The following HIRA variants were observed in gnomAD, a reference collection of about 807,000 sequenced individuals.
The protein encoded by HIRA is histone cell cycle regulator, also known as protein HIRA.
A neutral mutation model predicts 126.6 loss-of-function variants in HIRA; 13 were observed. That is an observed-to-expected ratio of 0.10 (90% CI 0.07 to 0.16). The LOEUF is 0.16. Among genes scored for constraint, HIRA ranks in the 10% least tolerant of loss-of-function variants. The pLI, the probability that HIRA is intolerant of heterozygous loss-of-function variation, is 1.00. For missense variants in HIRA, 834 were observed against 1,314.4 expected, an observed-to-expected ratio of 0.63 and a Z score of 5.65; for synonymous variants, 511 against 520.0, an observed-to-expected ratio of 0.98 and a Z score of 0.24.
chr22:19,410,262 C>A (rs2089341824), intron 2 of HIRA, among the ~76,000 whole-genome samples: 1 of 152,220 alleles, frequency 6.6e-6, no homozygotes, highest in Non-Finnish European at 1.5e-5. Context: ...CCACAGTGTG[C>A]TTTCTCTTTA....
At position 19,399,099 on chromosome 22, in the gene HIRA, C is replaced by T. The variant is rs747333383; in HGVS notation, c.398-1012G>A. The stretch of plus-strand genomic sequence containing the variant: ...ACACACCAAGGCATCGATGAGGGTC[C>T]GCTGTGACGATGGTGCCAACCTTGC... On this transcript the variant is annotated intron_variant, in intron 5 of 24. Coordinates refer to ENST00000263208, the MANE Select transcript of HIRA (RefSeq NM_003325.4). The T allele has an allele frequency of 4.0e-5, 39 of 984,342 alleles. No homozygotes were observed. The Admixed American group carries it at 1.1e-3, about 28-fold the overall frequency. 61.0% of individuals were successfully genotyped at this position (984,342 alleles called of 1,614,324 possible).
At chr22:19,390,290 A>G (rs1025838343) in intron 9 of HIRA, among the ~76,000 whole-genome samples, 2 of 152,088 alleles carry the variant, frequency 1.3e-5, no homozygotes, top group African/African-American at 2.4e-5. Context: ...TGAGGGGAAC[A>G]ATGAAACTGA....
intron 10 of HIRA, 45 bp from the exon 11 acceptor site, chr22:19,387,861 CA>C: frequency 7.2e-7 from 1 of 1,396,824 alleles, no homozygotes. Context: ...GAGCCCCAGG[CA>C]GACACATGTG....
intron 24 of HIRA, among the ~76,000 whole-genome samples, chr22:19,347,199 C>T (rs991408508): frequency 6.6e-6 from 1 of 152,112 alleles, no homozygotes; most frequent in African/African-American, 2.4e-5. Flanking sequence ...CTGTGCTAAG[C>T]GAACAGCTGT....
At position 19,351,591 on chromosome 22, in the gene HIRA, G is replaced by C. The variant is rs2088757935; in HGVS notation, c.2849-145C>G. On this transcript the variant is annotated intron_variant, in intron 23 of 24. Coordinates refer to ENST00000263208, the MANE Select transcript of HIRA (RefSeq NM_003325.4). The surrounding 1 kb of genome is among the most constrained non-coding windows in gnomAD (Gnocchi z 4.8). ...ATGCGTATTTTATTGCCTACTATGG[G>C]CAAGACGCCCCTGCATGTCTCTCAG... The C allele has an allele frequency of 1.5e-6, 1 of 654,408 alleles. No homozygotes were observed. Among genetic ancestry groups the C allele is most frequent in the African/African-American group, 1.8e-5 (1 of 54,774 alleles). 40.5% of individuals were successfully genotyped at this position (654,408 alleles called of 1,614,324 possible).
chr22:19,350,402 C>A (rs2088743065), intron 24 of HIRA, among the ~76,000 whole-genome samples: 1 of 152,156 alleles, frequency 6.6e-6, no homozygotes, highest in South Asian at 2.1e-4. Flanking sequence ...TTCTCCCATC[C>A]CCCACCAACC....
chr22:19,364,175 G>C (rs984838643), intron 15 of HIRA, among the ~76,000 whole-genome samples: 1 of 151,482 alleles, frequency 6.6e-6, no homozygotes, highest in Admixed American at 6.6e-5. Flanking sequence ...AAAAAAAAGC[G>C]AGGACTGGAG....
At chr22:19,361,970 C>T in intron 15 of HIRA, 39 bp from the exon 16 acceptor site, 3 of 1,586,626 alleles carry the variant, frequency 1.9e-6, no homozygotes. Flanking sequence ...CTTCAGAAAC[C>T]ATTCATGCAA....
Position 19,378,074 on chromosome 22 carries a change from CAAGT to C in HIRA, c.1416-12_1416-9del, listed in dbSNP as rs758237724. On this transcript the variant is annotated splice_polypyrimidine_tract_variant and intron_variant, in intron 13 of 24. Transcript: ENST00000263208. ...AATGCCGTGGAGAAGTCCCTGTCAT[CAAGT>C]AAGAACAAAAGTCAGCCTTGAAAGT... The C allele has an allele frequency of 1.3e-6, 2 of 1,533,926 alleles. No homozygotes were observed. The highest frequency in any genetic ancestry group is 2.8e-5 in the African/African-American group (2 of 72,366).
At chr22:19,390,071 C>A (rs1302116454) in intron 9 of HIRA, among the ~76,000 whole-genome samples, 1 of 152,140 alleles carries the variant, frequency 6.6e-6, no homozygotes, top group Non-Finnish European at 1.5e-5. Flanking sequence ...ATGCTCAGCA[C>A]CAAGACTGCT....
At chr22:19,387,927 A>T in intron 10 of HIRA, 111 bp from the exon 11 acceptor site, 3 of 192,428 alleles carry the variant, frequency 1.6e-5, no homozygotes, top group South Asian at 7.4e-5. Context: ...GATGCTGGAA[A>T]CTCCTGGTTC....
chr22:19,357,195 G>T, intron 18 of HIRA, 144 bp from the exon 19 acceptor site: 1 of 898,958 alleles, frequency 1.1e-6, no homozygotes, highest in Non-Finnish European at 1.7e-6. Flanking sequence ...AGGTGGATTG[G>T]GTCAGGGTAG....
intron 1 of HIRA, among the ~76,000 whole-genome samples, chr22:19,429,494 T>A (rs1483280086): frequency 6.6e-6 from 1 of 152,168 alleles, no homozygotes; most frequent in Non-Finnish European, 1.5e-5. Flanking sequence ...TTGGGGAGCA[T>A]TTTTATATCT....
chr22:19,378,107 G>C (rs555723418), intron 13 of HIRA, 41 bp from the exon 14 acceptor site: 1 of 1,456,212 alleles, frequency 6.9e-7, no homozygotes, highest in Admixed American at 2.3e-5. Flanking sequence ...TGAAAGTCAG[G>C]TGCCACATCC....
At chr22:19,385,887 C>A in intron 11 of HIRA, 151 bp from the exon 12 acceptor site, 1 of 681,258 alleles carries the variant, frequency 1.5e-6, no homozygotes, top group Non-Finnish European at 2.5e-6. Flanking sequence ...TCCTATTCTG[C>A]CTGTCCCTCA....
At chr22:19,385,285 C>T (rs977525467) in intron 12 of HIRA, among the ~76,000 whole-genome samples, 5 of 152,226 alleles carry the variant, frequency 3.3e-5, no homozygotes, top group Non-Finnish European at 7.3e-5. Flanking sequence ...TAAGTTCTTA[C>T]AAGAGATGAC....
chr22:19,397,021 G>C, intron 6 of HIRA, 74 bp from the exon 7 acceptor site: 1 of 1,401,724 alleles, frequency 7.1e-7, no homozygotes, highest in Non-Finnish European at 1.0e-6. Flanking sequence ...GCCATGGGAT[G>C]GATATGCAAG....
At chr22:19,374,462 G>A (rs1835024757) in intron 15 of HIRA, among the ~76,000 whole-genome samples, 2 of 152,160 alleles carry the variant, frequency 1.3e-5, no homozygotes, top group African/African-American at 4.8e-5. Flanking sequence ...CCTGCATTGA[G>A]TTAATTATGA....
intron 24 of HIRA, among the ~76,000 whole-genome samples, chr22:19,336,936 G>A (rs557033685): frequency 1.3e-5 from 2 of 152,310 alleles, no homozygotes; most frequent in African/African-American, 4.8e-5. Context: ...CTACCCAAAT[G>A]AGAAGTAATC....
Sources: allele counts gnomAD v4.1 joint callset (sites outside exome capture counted in the v4.1 genomes callset), GRCh38; gene constraint gnomAD v4.1.1; non-coding constraint Gnocchi (gnomAD v3.1); transcripts MANE v1.5; gene names NCBI Gene and HGNC (gene_info 2026-07-23, HGNC 2026-07-21).